Variants in ARHGEF28 observed in about 807,000 individuals in gnomAD.
ARHGEF28 encodes 190 kDa guanine nucleotide exchange factor.
In ARHGEF28, 152 loss-of-function variants were observed where a neutral mutation model predicts 206.6. The observed-to-expected ratio is 0.74, with a 90% confidence interval of 0.64 to 0.84. The LOEUF is 0.84. Ranked by LOEUF, ARHGEF28 falls within the 40% of genes least tolerant of loss-of-function variation. The pLI is 0.00. For missense variants in ARHGEF28, 2,028 were observed against 2,073.2 expected, an observed-to-expected ratio of 0.98 and a Z score of 0.42; for synonymous variants, 763 against 776.4, an observed-to-expected ratio of 0.98 and a Z score of 0.29.
At chr5:73,742,333 C>CTACA (rs1751482334) in intron 2 of ARHGEF28, among the ~76,000 whole-genome samples, 1 of 151,988 alleles carries the variant, frequency 6.6e-6, no homozygotes, top group Admixed American at 6.6e-5. Context: ...GGATGTATAT[C>CTACA]TACATATAGC....
At chr5:73,632,245 A>G (rs148474177) in intron 1 of ARHGEF28, among the ~76,000 whole-genome samples, 2 of 152,316 alleles carry the variant, frequency 1.3e-5, no homozygotes, top group African/African-American at 4.8e-5. Context: ...CAGGAATTAG[A>G]CAGTTAGTCC....
In ARHGEF28 at chr5:73,911,511, A is replaced by G. The variant is rs1251036852; in HGVS notation, c.4884A>G (p.Thr1628=). ...QPSNVSHKLW[T]AAGSGHQILP... ...CGAATGTCAGTCACAAACTGTGGAC[A>G]GCCGCTGGTTCCGGCCATCAGATAC... Residue 1628 remains threonine (T), a synonymous_variant, in exon 35 of 36, where the codon ACA becomes ACG. Transcript: ENST00000513042. 5 of 1,613,636 alleles carry G rather than the reference A, an allele frequency of 3.1e-6. No homozygotes were observed. The highest frequency in any genetic ancestry group is 4.2e-6 in the Non-Finnish European group (5 of 1,179,778).
chr5:73,878,941 C>G (rs1255128116), intron 22 of ARHGEF28, among the ~76,000 whole-genome samples: 1 of 152,008 alleles, frequency 6.6e-6, no homozygotes, highest in East Asian at 1.9e-4. Context: ...TTGTGGCGTT[C>G]TCTGTATTTC....
chr5:73,867,838 A>G (rs1759805324), intron 18 of ARHGEF28, 38 bp from the exon 19 acceptor site: 1 of 1,613,026 alleles, frequency 6.2e-7, no homozygotes, highest in East Asian at 2.2e-5. Flanking sequence ...GTAATTACTG[A>G]CCTGGAAACC....
chr5:73,744,351 G>C (rs185039272), intron 2 of ARHGEF28, among the ~76,000 whole-genome samples: 1 of 152,140 alleles, frequency 6.6e-6, no homozygotes, highest in Non-Finnish European at 1.5e-5. Flanking sequence ...TTGGGGGTTG[G>C]GGCAGAAATC....
chr5:73,746,331 G>C (rs1447047248), intron 2 of ARHGEF28, among the ~76,000 whole-genome samples: 1 of 152,030 alleles, frequency 6.6e-6, no homozygotes, highest in African/African-American at 2.4e-5. Context: ...ACACTTGGTG[G>C]AATGCAATTA....
At chr5:73,846,840 C>T (rs964111636) in intron 12 of ARHGEF28, among the ~76,000 whole-genome samples, 10 of 152,082 alleles carry the variant, frequency 6.6e-5, no homozygotes, top group African/African-American at 2.2e-4. Flanking sequence ...GTTTTGCTCA[C>T]GTAAATAATT....
At position 73,849,406 on chromosome 5, in the gene ARHGEF28, T is replaced by G. The variant is rs570299476; in HGVS notation, c.1747+319T>G. Among the ~76,000 whole-genome samples, 104 of 152,200 alleles carry G rather than the reference T, an allele frequency of 6.8e-4. 1 individual carries two copies. The highest frequency in any genetic ancestry group is 2.3e-3 in the African/African-American group (97 of 41,566). On this transcript the variant is annotated intron_variant, in intron 13 of 35. Coordinates refer to ENST00000513042, the MANE Select transcript of ARHGEF28 (RefSeq NM_001177693.2). ...ATATTATTATGAGGGCCTTAGAGGATTTTATTTGAGTAAATTATAAAAATT... is the reference window on the plus strand; with the variant it reads ...ATATTATTATGAGGGCCTTAGAGGAGTTTATTTGAGTAAATTATAAAAATT...
intron 2 of ARHGEF28, among the ~76,000 whole-genome samples, chr5:73,725,414 A>G (rs554323914): frequency 2.5e-4 from 38 of 152,364 alleles, no homozygotes; most frequent in African/African-American, 9.1e-4. Context: ...TGAGGCTTAT[A>G]GGTATGAATA....
intron 30 of ARHGEF28, chr5:73,898,898 A>G (rs892931244): frequency 6.6e-6 from 1 of 152,228 alleles, no homozygotes; most frequent in Non-Finnish European, 1.5e-5. Context: ...TTATGTGCGT[A>G]AGATAAAATG....
intron 2 of ARHGEF28, among the ~76,000 whole-genome samples, chr5:73,704,448 A>T (rs1013541801): frequency 1.3e-5 from 2 of 152,064 alleles, no homozygotes; most frequent in African/African-American, 2.4e-5. Context: ...TTTTTGAGAT[A>T]GGGTCTCACT....
chr5:73,834,541 C>CCT (rs202204338), intron 10 of ARHGEF28, among the ~76,000 whole-genome samples: 1,183 of 77,342 alleles, frequency 0.015, 20 homozygotes, highest in African/African-American at 0.048. Context: ...GAATAATATT[C>CCT]CTGTGTGTGT....
At chr5:73,803,794 G>T (rs1201741398) in intron 9 of ARHGEF28, among the ~76,000 whole-genome samples, 1 of 151,662 alleles carries the variant, frequency 6.6e-6, no homozygotes, top group African/African-American at 2.4e-5. Flanking sequence ...TCAGAATAAA[G>T]AGTTAAGTTG....
At chr5:73,768,144 C>T (rs1753010896) in intron 4 of ARHGEF28, among the ~76,000 whole-genome samples, 1 of 152,176 alleles carries the variant, frequency 6.6e-6, no homozygotes, top group African/African-American at 2.4e-5. Context: ...CAAAAGTTTG[C>T]TGCAGGGGTG....
chr5:73,894,608 C>T (rs183979108), intron 29 of ARHGEF28, 33 bp downstream of exon 29: 61 of 1,602,770 alleles, frequency 3.8e-5, no homozygotes, highest in African/African-American at 2.7e-5. Context: ...TGGGTCGACA[C>T]GTTCAGAAAA....
chr5:73,845,135 A>T (rs571574395), intron 11 of ARHGEF28, among the ~76,000 whole-genome samples: 1 of 147,122 alleles, frequency 6.8e-6, no homozygotes, highest in South Asian at 2.1e-4. Context: ...TTCCTGCCTT[A>T]GCATCCCAAG....
At chr5:73,842,912 G>A (rs982809927) in intron 11 of ARHGEF28, among the ~76,000 whole-genome samples, 1 of 151,698 alleles carries the variant, frequency 6.6e-6, no homozygotes, top group East Asian at 1.9e-4. Flanking sequence ...GCCTGAATCC[G>A]GGAGGCACAG....
intron 18 of ARHGEF28, among the ~76,000 whole-genome samples, chr5:73,867,501 G>A (rs1759784974): frequency 1.3e-5 from 2 of 152,144 alleles, no homozygotes; most frequent in South Asian, 4.1e-4. Flanking sequence ...CACACAATAT[G>A]CATTCAGTAA....
At chr5:73,713,070 T>C (rs1015223126) in intron 2 of ARHGEF28, among the ~76,000 whole-genome samples, 3 of 152,152 alleles carry the variant, frequency 2.0e-5, no homozygotes, top group African/African-American at 4.8e-5. Flanking sequence ...GGAAATGAAA[T>C]AAAATTACTG....
Sources: allele counts gnomAD v4.1 joint callset (sites outside exome capture counted in the v4.1 genomes callset), GRCh38; gene constraint gnomAD v4.1.1; transcripts MANE v1.5; gene names NCBI Gene and HGNC (gene_info 2026-07-23, HGNC 2026-07-21).